ANTXR1: variants seen among roughly 807,000 people sequenced by gnomAD.
ANTXR1 encodes the protein ANTXR cell adhesion molecule 1.
Under a neutral mutation model 78.1 loss-of-function variants are expected in ANTXR1, and 19 were observed. The ratio of observed to expected loss-of-function variants is 0.24; its 90% CI spans 0.17 to 0.36. The LOEUF is 0.36. ANTXR1 is among the 10% of genes least tolerant of loss of function. ANTXR1 has a pLI of 1.00. For synonymous variants in ANTXR1, 273 were observed against 260.5 expected (o/e 1.05, Z -0.46); for missense variants, 518 against 718.6 (o/e 0.72, Z 3.19).
chr2:69,014,734 G>C (rs192350701), intron 1 of ANTXR1, among the ~76,000 whole-genome samples: 13 of 152,272 alleles, frequency 8.5e-5, no homozygotes, highest in Admixed American at 2.6e-4. Context: ...TCACAGACTG[G>C]AAAGTATTTA....
Position 69,119,119 on chromosome 2 carries a change from C to T in ANTXR1, c.803-3898C>T, listed in dbSNP as rs143774555. ...GGGAAAGTGAGAAATGTCTGCCTGG[C>T]CTGGGCCACACTCATCCTCTCACTC... On this transcript the variant is annotated intron_variant, in intron 10 of 17. Coordinates refer to ENST00000303714, the MANE Select transcript of ANTXR1 (RefSeq NM_032208.3). Among the ~76,000 whole-genome samples, 3 of 152,240 alleles carry T rather than the reference C, an allele frequency of 2.0e-5. No individual in the cohort carries two copies. The East Asian group carries it at 5.8e-4, about 29-fold the overall frequency.
At chr2:69,200,796 C>T (rs1674756816) in intron 17 of ANTXR1, among the ~76,000 whole-genome samples, 1 of 152,164 alleles carries the variant, frequency 6.6e-6, no homozygotes. Context: ...GAGTGTCATG[C>T]ACTGTATGAA....
At chr2:69,036,110 C>T (rs1340163240) in intron 1 of ANTXR1, among the ~76,000 whole-genome samples, 2 of 152,222 alleles carry the variant, frequency 1.3e-5, no homozygotes, top group Non-Finnish European at 2.9e-5. Context: ...AAAGGATTTA[C>T]TTCAAACTCT....
rs77416581 is a variant in ANTXR1, at chr2:69,086,030, G to C, written c.643-4829G>C. 8.4e-3 allele frequency among the ~76,000 whole-genome samples: 1,275 copies of C among 152,280 alleles called. 47 individuals are homozygous for C. The highest frequency in any genetic ancestry group is 0.06 in the Admixed American group (919 of 15,294). Reference sequence around the variant, plus strand: ...AGACACCAAGGAACATGCTCTGAAAGACTTTCTGAAATATGTGTGAAAGCA... The same window carrying C: ...AGACACCAAGGAACATGCTCTGAAACACTTTCTGAAATATGTGTGAAAGCA... On this transcript the variant is annotated intron_variant, in intron 8 of 17. Transcript: ENST00000303714.
chr2:69,050,709 G>A (rs1402741625), intron 3 of ANTXR1, among the ~76,000 whole-genome samples: 6 of 152,160 alleles, frequency 3.9e-5, no homozygotes, highest in Non-Finnish European at 5.9e-5. Context: ...TTGAGAAACA[G>A]TAGAAATTAC....
At chr2:69,208,638 A>G (rs1159264936) in intron 17 of ANTXR1, among the ~76,000 whole-genome samples, 1 of 152,198 alleles carries the variant, frequency 6.6e-6, no homozygotes, top group Non-Finnish European at 1.5e-5. Context: ...GGTTTATGTT[A>G]TGTGTCTGTT....
chr2:69,225,032 T>C (rs1002384088), intron 17 of ANTXR1, among the ~76,000 whole-genome samples: 4 of 152,088 alleles, frequency 2.6e-5, no homozygotes, highest in Non-Finnish European at 5.9e-5. Context: ...GCTGACCTCC[T>C]GGCCAGCCCC....
intron 12 of ANTXR1, among the ~76,000 whole-genome samples, chr2:69,143,839 C>T (rs774227153): frequency 6.6e-6 from 1 of 151,994 alleles, no homozygotes; most frequent in Admixed American, 6.6e-5. Context: ...TGGAAAGGAA[C>T]GGTCAGAGAT....
intron 16 of ANTXR1, among the ~76,000 whole-genome samples, chr2:69,188,034 C>CAAAAA (rs34500820): frequency 2.2e-5 from 2 of 90,830 alleles, no homozygotes; most frequent in African/African-American, 7.4e-5. Flanking sequence ...TGCTGCCTGG[C>CAAAAA]AAAAAAAAAA....
At chr2:69,039,891 C>T (rs759516781) in intron 1 of ANTXR1, among the ~76,000 whole-genome samples, 153 bp from the exon 2 acceptor site, 24 of 152,082 alleles carry the variant, frequency 1.6e-4, no homozygotes, top group Non-Finnish European at 2.5e-4. Flanking sequence ...TTGAAACAGC[C>T]TTTCAAATAA....
chr2:69,200,247 T>C (rs1238547316), intron 17 of ANTXR1, among the ~76,000 whole-genome samples: 1 of 152,146 alleles, frequency 6.6e-6, no homozygotes, highest in African/African-American at 2.4e-5. Context: ...CAAGCCTGGA[T>C]CTCCTTGCAA....
At chr2:69,022,855 A>G (rs570239391) in intron 1 of ANTXR1, among the ~76,000 whole-genome samples, 1 of 152,366 alleles carries the variant, frequency 6.6e-6, no homozygotes, top group East Asian at 1.9e-4. Context: ...TGGCAGAAGA[A>G]ACCACACACA....
intron 6 of ANTXR1, among the ~76,000 whole-genome samples, chr2:69,074,774 A>G (rs1670678301): frequency 6.6e-6 from 1 of 152,208 alleles, no homozygotes; most frequent in Non-Finnish European, 1.5e-5. Flanking sequence ...CACAATCAAA[A>G]TCAATATGCA....
At position 69,033,126 on chromosome 2, in the gene ANTXR1, A is replaced by G. The variant is rs75775629; in HGVS notation, c.153-6918A>G. ...CATCACAAGTCAGTCGAGTGGGGCC[A>G]GGCACCCTGTCCTGGGGTCTCTGTG... On this transcript the variant is annotated intron_variant, in intron 1 of 17. Transcript: ENST00000303714. 0.016 allele frequency among the ~76,000 whole-genome samples: 2,399 copies of G among 152,318 alleles called. 95 individuals are homozygous for G. The East Asian group carries it at 0.17, about 11-fold the overall frequency.
At chr2:69,103,812 T>C (rs1429495650) in intron 10 of ANTXR1, 2 of 154,750 alleles carry the variant, frequency 1.3e-5, no homozygotes, top group Non-Finnish European at 2.9e-5. Flanking sequence ...TGTAATGCTA[T>C]GTACCTTCTA....
chr2:69,112,523 C>T (rs183265113), intron 10 of ANTXR1, among the ~76,000 whole-genome samples: 3 of 152,224 alleles, frequency 2.0e-5, no homozygotes, highest in East Asian at 3.9e-4. Flanking sequence ...GAAAGATAAT[C>T]GCAGATCAGA....
intron 12 of ANTXR1, among the ~76,000 whole-genome samples, chr2:69,132,261 A>G (rs13394333): frequency 0.36 from 54,820 of 152,060 alleles, 11,301 homozygotes; most frequent in African/African-American, 0.56. Flanking sequence ...GGCTCAGAAG[A>G]GGATGTGCTG....
chr2:69,044,605 C>T, intron 2 of ANTXR1, 137 bp from the exon 3 acceptor site: 4 of 861,102 alleles, frequency 4.6e-6, no homozygotes, highest in Non-Finnish European at 7.9e-6. Flanking sequence ...GCAGCACCAG[C>T]CTAGGAGGCC....
intron 3 of ANTXR1, among the ~76,000 whole-genome samples, chr2:69,049,015 AT>A (rs1388135357): frequency 6.6e-6 from 1 of 151,944 alleles, no homozygotes; most frequent in African/African-American, 2.4e-5. Context: ...AATTGTCAAC[AT>A]TTTTTTCCCA....
Sources: allele counts gnomAD v4.1 joint callset (sites outside exome capture counted in the v4.1 genomes callset), GRCh38; gene constraint gnomAD v4.1.1; transcripts MANE v1.5; gene names NCBI Gene and HGNC (gene_info 2026-07-23, HGNC 2026-07-21).